UTP20: variants seen among roughly 807,000 people sequenced by gnomAD.
The protein encoded by UTP20 is small subunit processome component 20 homolog.
In UTP20, 164 loss-of-function variants were observed where a neutral mutation model predicts 329.5. That is an observed-to-expected ratio of 0.50 (90% CI 0.44 to 0.57). The LOEUF (loss-of-function observed/expected upper bound fraction) is 0.57, where lower values mean the gene tolerates loss of function less well. Among genes scored for constraint, UTP20 ranks in the 20% least tolerant of loss-of-function variants. UTP20 has a pLI of 0.00. For synonymous variants in UTP20, 1,151 were observed against 1,159.3 expected (o/e 0.99, Z 0.14); for missense variants, 3,055 against 3,284.2 (o/e 0.93, Z 1.71).
rs551792371 is a variant in UTP20 at position 101,312,705 on chromosome 12, G to A, written c.2552+429G>A. Among the ~76,000 whole-genome samples, 10 of 152,358 alleles carry A rather than the reference G, an allele frequency of 6.6e-5. No individual in the cohort carries two copies. In the South Asian group the frequency reaches 1.4e-3, roughly 22 times the overall value. On this transcript the variant is annotated intron_variant, in intron 21 of 61. Transcript: ENST00000261637. ...TCCACCCACCTCGGCTTCCCAAAGTGCTGGGATTACAGGCGTGAGCCACCA... is the reference window on the plus strand; with the variant it reads ...TCCACCCACCTCGGCTTCCCAAAGTACTGGGATTACAGGCGTGAGCCACCA...
intron 43 of UTP20, 94 bp from the exon 44 acceptor site, chr12:101,361,868 C>T (rs1869932943): frequency 1.1e-6 from 1 of 936,418 alleles, no homozygotes; most frequent in South Asian, 1.4e-5. Context: ...GACATATAAA[C>T]TCTGAGTGTT....
chr12:101,356,860 G>C, intron 42 of UTP20, 66 bp from the exon 43 acceptor site: 1 of 1,528,618 alleles, frequency 6.5e-7, no homozygotes, highest in African/African-American at 1.4e-5. Context: ...AGAGACTAAA[G>C]GATATGTGTA....
intron 48 of UTP20, among the ~76,000 whole-genome samples, chr12:101,368,764 G>C (rs34859860): frequency 6.6e-6 from 1 of 152,082 alleles, no homozygotes; most frequent in Non-Finnish European, 1.5e-5. Context: ...TTAGGGCGAG[G>C]GCCTAGGTAC....
chr12:101,333,216 C>G (rs754124568), intron 27 of UTP20, 85 bp from the exon 28 acceptor site: 20 of 1,337,040 alleles, frequency 1.5e-5, no homozygotes, highest in Non-Finnish European at 2.0e-5. Context: ...GATTCTTAGC[C>G]ACCTGAGCAA....
chr12:101,363,761 AT>A lies in UTP20; in HGVS notation c.5958+20del. The stretch of plus-strand genomic sequence containing the variant: ...TAAAAGAGGTAAGGACGTAAATGCA[AT>A]TCTGGAGATCACAGCATTACAATCT... On this transcript the variant is annotated intron_variant, in intron 45 of 61. Transcript: ENST00000261637. The A allele has an allele frequency of 6.6e-7, 1 of 1,505,292 alleles. No homozygotes were observed. Among genetic ancestry groups the A allele is most frequent in the South Asian group, 1.1e-5 (1 of 88,588 alleles). The allele number at this position is 1,505,292 out of a possible 1,614,324, so 93.2% of individuals were successfully genotyped here. A position where few individuals can be genotyped will look rare whatever the true frequency, so the allele number is the denominator to read the frequency against.
At chr12:101,311,909 T>C in intron 20 of UTP20, 111 bp downstream of exon 20, 1 of 1,553,088 alleles carries the variant, frequency 6.4e-7, no homozygotes, top group South Asian at 1.2e-5. Flanking sequence ...ACATATATTA[T>C]CATGATAACT....
chr12:101,316,549 G>T (rs1872977602), intron 21 of UTP20, among the ~76,000 whole-genome samples: 1 of 152,222 alleles, frequency 6.6e-6, no homozygotes, highest in Non-Finnish European at 1.5e-5. Context: ...CCAGCCCTCA[G>T]ATTGTAGTTT....
rs1036474955 is a variant in UTP20, at chr12:101,280,173, G to C, written c.-110G>C. ...TCAAGCCGCACGTGAGAAAGTCTGG[G>C]CATCTGGGAATCGGAGAGTATAGCC... On this transcript the variant is annotated 5_prime_UTR_variant, in exon 1 of 62. Coordinates refer to ENST00000261637, the MANE Select transcript of UTP20 (RefSeq NM_014503.3). 1.5e-5 allele frequency: 20 copies of C among 1,378,064 alleles called. No homozygotes were observed. The highest frequency in any genetic ancestry group is 2.0e-5 in the Non-Finnish European group (20 of 1,007,788). The allele number at this position is 1,378,064 out of a possible 1,614,324, so 85.4% of individuals were successfully genotyped here. A position where few individuals can be genotyped will look rare whatever the true frequency, so the allele number is the denominator to read the frequency against.
At position 101,338,297 on chromosome 12, in the gene UTP20, A is replaced by G. The variant is rs1227952754; in HGVS notation, c.3868+20A>G. 1 of 1,610,064 alleles carries G rather than the reference A, an allele frequency of 6.2e-7. No individual in the cohort carries two copies. The highest frequency in any genetic ancestry group is 8.5e-7 in the Non-Finnish European group (1 of 1,176,370). Reference sequence around the variant, plus strand: ...TCGGTGGTATGTATGCTGACAAAGCAGATAATTCTTAGACTTCTGCTGTAG... The same window carrying G: ...TCGGTGGTATGTATGCTGACAAAGCGGATAATTCTTAGACTTCTGCTGTAG... On this transcript the variant is annotated intron_variant, in intron 30 of 61. Coordinates refer to ENST00000261637, the MANE Select transcript of UTP20 (RefSeq NM_014503.3).
intron 26 of UTP20, among the ~76,000 whole-genome samples, chr12:101,329,016 C>T (rs560534325): frequency 5.9e-4 from 89 of 152,122 alleles, no homozygotes; most frequent in Non-Finnish European, 1.2e-3. Context: ...TTAGTTTCTT[C>T]TTCTCTAAAG....
intron 8 of UTP20, 102 bp from the exon 9 acceptor site, chr12:101,291,640 G>A: frequency 3.2e-6 from 4 of 1,245,660 alleles, no homozygotes; most frequent in Non-Finnish European, 4.2e-6. Flanking sequence ...TTCTTCCAAA[G>A]CAAGAGAATG....
intron 5 of UTP20, 93 bp from the exon 6 acceptor site, chr12:101,288,867 C>A: frequency 8.9e-7 from 1 of 1,122,836 alleles, no homozygotes; most frequent in Non-Finnish European, 1.3e-6. Flanking sequence ...TCCTTGCATA[C>A]CCAGCACATT....
intron 56 of UTP20, among the ~76,000 whole-genome samples, chr12:101,376,388 TTTG>T (rs1478494885): frequency 6.6e-6 from 1 of 152,180 alleles, no homozygotes; most frequent in African/African-American, 2.4e-5. Flanking sequence ...GTTATGCGAT[TTTG>T]TTGTTTGAAC....
In UTP20 at chr12:101,386,359, CA is replaced by C. The variant is rs1034641354; in HGVS notation, c.*237del. ...GTAGTTGTGCCTCCTAGGCACACAA[CA>C]CTATGCCCGGCAAATTTTTTGTATT... On this transcript the variant is annotated 3_prime_UTR_variant, in exon 62 of 62. Coordinates refer to ENST00000261637, the MANE Select transcript of UTP20 (RefSeq NM_014503.3). 13 of 350,632 alleles carry C rather than the reference CA, an allele frequency of 3.7e-5. No homozygotes were observed. The highest frequency in any genetic ancestry group is 6.6e-5 in the Non-Finnish European group (13 of 197,894). 21.7% of individuals were successfully genotyped at this position (350,632 alleles called of 1,614,324 possible).
At chr12:101,294,392 A>G (rs1294190155) in intron 11 of UTP20, among the ~76,000 whole-genome samples, 1 of 152,050 alleles carries the variant, frequency 6.6e-6, no homozygotes, top group Non-Finnish European at 1.5e-5. Flanking sequence ...ACTTCCTCCT[A>G]TGGCAGATGG....
intron 57 of UTP20, 78 bp downstream of exon 57, chr12:101,379,636 C>A: frequency 6.8e-7 from 1 of 1,470,472 alleles, no homozygotes; most frequent in Non-Finnish European, 9.2e-7. Context: ...ATCTTCGGGC[C>A]AGCCCTTGGG....
At chr12:101,345,802 T>C in intron 37 of UTP20, 108 bp downstream of exon 37, 3 of 1,005,326 alleles carry the variant, frequency 3.0e-6, no homozygotes, top group Admixed American at 2.8e-5. Context: ...AGGTTTAAGC[T>C]TCTCTTTCCT....
intron 25 of UTP20, among the ~76,000 whole-genome samples, chr12:101,324,537 T>C (rs934977023): frequency 6.6e-6 from 1 of 152,172 alleles, no homozygotes; most frequent in Non-Finnish European, 1.5e-5. Context: ...CCCAAAGTGC[T>C]ATGATTACAC....
chr12:101,282,015 T>C (rs1378023032), intron 2 of UTP20, among the ~76,000 whole-genome samples: 1 of 152,184 alleles, frequency 6.6e-6, no homozygotes, highest in African/African-American at 2.4e-5. Context: ...GTCATCCTTT[T>C]ATGCAGAAGT....
Sources: allele counts gnomAD v4.1 joint callset (sites outside exome capture counted in the v4.1 genomes callset), GRCh38; gene constraint gnomAD v4.1.1; transcripts MANE v1.5; gene names NCBI Gene and HGNC (gene_info 2026-07-23, HGNC 2026-07-21).